The following UBA2 variants were observed in gnomAD, a reference collection of about 807,000 sequenced individuals.
The protein encoded by UBA2 is SUMO-activating enzyme subunit 2.
Under a neutral mutation model 77.2 loss-of-function variants are expected in UBA2, and 11 were observed. The observed-to-expected ratio is 0.14, with a 90% CI of 0.09 to 0.24. The LOEUF (loss-of-function observed/expected upper bound fraction) is 0.24. Ranked by LOEUF, UBA2 falls within the 10% of genes least tolerant of loss-of-function variation. UBA2 has a pLI of 1.00. For synonymous variants in UBA2, 278 were observed against 276.7 expected, an observed-to-expected ratio of 1.00 and a Z score of -0.05; for missense variants, 487 against 781.7, an observed-to-expected ratio of 0.62 and a Z score of 4.50.
At chr19:34,450,391 C>A in intron 9 of UBA2, 27 bp downstream of exon 9, 1 of 1,498,996 alleles carries the variant, frequency 6.7e-7, no homozygotes, top group Non-Finnish European at 9.1e-7. Flanking sequence ...AGTCTTGGAA[C>A]ACCTAAGCTG....
chr19:34,451,797 C>T (rs983941789), intron 9 of UBA2, among the ~76,000 whole-genome samples, 184 bp from the exon 10 acceptor site: 13 of 152,000 alleles, frequency 8.6e-5, no homozygotes, highest in African/African-American at 2.4e-4. Flanking sequence ...CCGTCTGCCT[C>T]GGCCTCCCAA....
chr19:34,437,501 T>C (rs2075322124), intron 5 of UBA2, among the ~76,000 whole-genome samples: 2 of 151,560 alleles, frequency 1.3e-5, no homozygotes, highest in Non-Finnish European at 1.5e-5. Flanking sequence ...TCCCAGCTAC[T>C]TGGGAGGCTG....
intron 16 of UBA2, among the ~76,000 whole-genome samples, chr19:34,468,354 C>T (rs982873117): frequency 1.3e-5 from 2 of 152,114 alleles, no homozygotes; most frequent in Non-Finnish European, 1.5e-5. Flanking sequence ...CCGTCATCTT[C>T]CTTTGAGGAA....
chr19:34,469,030 C>T lies in UBA2; in HGVS notation c.1742-10C>T. 1 of 1,582,194 alleles carries T rather than the reference C, an allele frequency of 6.3e-7. No homozygotes were observed. Among genetic ancestry groups the T allele is most frequent in the Non-Finnish European group, 8.6e-7 (1 of 1,168,342 alleles). ...TACCCATTTTCTTTTTCCCTTTTTT[C>T]TGAAATAAGCTCAAGAGCAAGATGA... On this transcript the variant is annotated splice_polypyrimidine_tract_variant and intron_variant, in intron 16 of 16. Transcript: ENST00000246548.
chr19:34,461,070 T>C (rs1463747593), intron 14 of UBA2, among the ~76,000 whole-genome samples: 2 of 152,262 alleles, frequency 1.3e-5, no homozygotes, highest in Non-Finnish European at 2.9e-5. Flanking sequence ...TTGATTCTGT[T>C]GAAGCTTTCA....
chr19:34,470,435 G>C lies in UBA2; in HGVS notation c.*1214G>C, dbSNP rs2075726024. ...AGGCTGAGGCAGGAGGATGGCTGGA[G>C]CCCAGAAGTTCAAGGCCAGCCTGGG... On this transcript the variant is annotated 3_prime_UTR_variant, in exon 17 of 17. Coordinates refer to ENST00000246548, the MANE Select transcript of UBA2 (RefSeq NM_005499.3). The C allele has an allele frequency of 6.6e-6, 1 of 152,258 alleles. No individual in the cohort carries two copies. Among genetic ancestry groups the C allele is most frequent in the African/African-American group, 2.4e-5 (1 of 41,466 alleles). 9.4% of individuals were successfully genotyped at this position (152,258 alleles called of 1,614,324 possible).
rs1185605564 is a variant in UBA2, at chr19:34,428,418, C to G, written c.-15C>G. The G allele has an allele frequency of 1.6e-6, 2 of 1,251,096 alleles. No homozygotes were observed. The highest frequency in any genetic ancestry group is 3.9e-5 in the South Asian group (1 of 25,904). The allele number at this position is 1,251,096 out of a possible 1,614,324, so 77.5% of individuals were successfully genotyped here. The stretch of plus-strand genomic sequence containing the variant: ...TCCCGCCTCCGCCTCCGCCGCGGCT[C>G]GTGGTTGTCCCGCCATGGCACTGTC... On this transcript the variant is annotated 5_prime_UTR_variant, in exon 1 of 17. Transcript: ENST00000246548.
At chr19:34,443,782 A>G (rs2075395962) in intron 6 of UBA2, 62 bp from the exon 7 acceptor site, 4 of 1,119,034 alleles carry the variant, frequency 3.6e-6, no homozygotes, top group Non-Finnish European at 1.4e-6. Context: ...GGAATATTCT[A>G]AATTACATGT....
chr19:34,436,386 G>A (rs371214021), intron 5 of UBA2, among the ~76,000 whole-genome samples: 8 of 151,978 alleles, frequency 5.3e-5, no homozygotes, highest in East Asian at 1.9e-4. Context: ...CGCAACCTCC[G>A]TCTCCCTGGT....
chr19:34,440,185 G>C (rs1164269720), intron 6 of UBA2, among the ~76,000 whole-genome samples: 1 of 151,760 alleles, frequency 6.6e-6, no homozygotes, highest in Non-Finnish European at 1.5e-5. Context: ...TTAACCAGGC[G>C]TGGTGGTGGG....
intron 14 of UBA2, among the ~76,000 whole-genome samples, chr19:34,461,124 C>T (rs768299806): frequency 8.5e-5 from 13 of 152,320 alleles, no homozygotes; most frequent in East Asian, 3.9e-4. Flanking sequence ...AGACTGTACT[C>T]GTTGATCCTA....
intron 6 of UBA2, among the ~76,000 whole-genome samples, chr19:34,440,870 G>A (rs1175838618): frequency 1.3e-5 from 2 of 148,618 alleles, no homozygotes; most frequent in Non-Finnish European, 3.0e-5. Flanking sequence ...AGGCTGCAGT[G>A]AGCCGAGATC....
intron 12 of UBA2, among the ~76,000 whole-genome samples, chr19:34,457,483 C>G (rs2075580905): frequency 6.6e-6 from 1 of 151,988 alleles, no homozygotes; most frequent in South Asian, 2.1e-4. Context: ...TTATTATTGT[C>G]AGTTTCCCTT....
rs1172795311 is a variant in UBA2 at position 34,438,648 on chromosome 19, G to A, written c.463G>A (p.Val155Met). ...LGQVTTIKKG[V>M]TECYECHPKP... ...TTCTCATATCCTGACTTCATAGGGTGTGACCGAGTGTTATGAGTGTCATCC... is the reference window on the plus strand; with the variant it reads ...TTCTCATATCCTGACTTCATAGGGTATGACCGAGTGTTATGAGTGTCATCC... Residue 155 changes from valine (V) to methionine (M), a missense_variant, in exon 6 of 17, where the codon GTG becomes ATG. By Grantham distance (21) the Val-to-Met change is conservative. Around this residue, in one of 9 missense-constraint regions of UBA2, gnomAD observed 66 missense variants for 112.0 expected, o/e 0.59. Coordinates refer to ENST00000246548, the MANE Select transcript of UBA2 (RefSeq NM_005499.3). 4.3e-6 allele frequency: 7 copies of A among 1,614,084 alleles called. No individual in the cohort carries two copies. Among genetic ancestry groups the A allele is most frequent in the Admixed American group, 1.7e-5 (1 of 59,994 alleles).
chr19:34,435,628 G>T (rs188617132), intron 5 of UBA2, among the ~76,000 whole-genome samples: 54 of 151,388 alleles, frequency 3.6e-4, no homozygotes, highest in South Asian at 2.7e-3. Context: ...TCAGGAGTTC[G>T]AGACCAGCCT....
At chr19:34,449,826 T>A (rs1446928012) in intron 8 of UBA2, among the ~76,000 whole-genome samples, 1 of 152,192 alleles carries the variant, frequency 6.6e-6, no homozygotes, top group Non-Finnish European at 1.5e-5. Context: ...ATCTGTATAC[T>A]TTGTGTGCAT....
chr19:34,457,374 A>G (rs1380862339), intron 12 of UBA2, among the ~76,000 whole-genome samples: 1 of 151,514 alleles, frequency 6.6e-6, no homozygotes, highest in East Asian at 1.9e-4. Context: ...CTCAAGAAAA[A>G]ATATAGTAAT....
intron 1 of UBA2, among the ~76,000 whole-genome samples, chr19:34,429,805 C>G (rs958242786): frequency 6.6e-6 from 1 of 152,032 alleles, no homozygotes; most frequent in Non-Finnish European, 1.5e-5. Context: ...CACTGCACTC[C>G]AGCCTGGGCA....
At chr19:34,457,738 C>T (rs1054968256) in intron 12 of UBA2, among the ~76,000 whole-genome samples, 2 of 152,160 alleles carry the variant, frequency 1.3e-5, no homozygotes, top group African/African-American at 4.8e-5. Flanking sequence ...ATTGTAGTCA[C>T]AAGATAAAGG....
Sources: gnomAD v4.1 joint callset for allele counts (sites outside exome capture counted in the v4.1 genomes callset) on GRCh38, gnomAD v4.1.1 for gene constraint, gnomAD v4.1.1 regional missense constraint, MANE v1.5 for transcripts, NCBI Gene and HGNC (gene_info 2026-07-23, HGNC 2026-07-21) for gene names.